Variants in IHO1 observed in about 807,000 individuals in gnomAD.
IHO1 encodes the protein interactor of HORMAD1 1, also known as interactor of HORMAD1 protein 1.
A neutral mutation model predicts 31.0 loss-of-function variants in IHO1; 13 were observed. The observed-to-expected ratio is 0.42, with a 90% confidence interval of 0.27 to 0.67. The LOEUF (loss-of-function observed/expected upper bound fraction) is 0.67. Among genes scored for constraint, IHO1 ranks in the 30% least tolerant of loss-of-function variants. The pLI is 0.24. For synonymous variants in IHO1, 221 were observed against 248.4 expected (o/e 0.89, Z 1.04); for missense variants, 599 against 687.5 (o/e 0.87, Z 1.44).
intron 6 of IHO1, among the ~76,000 whole-genome samples, chr3:49,254,179 A>G (rs922011948): frequency 6.6e-6 from 1 of 152,194 alleles, no homozygotes; most frequent in African/African-American, 2.4e-5. Flanking sequence ...TGCCTGGCAC[A>G]TAGTATATGC....
At chr3:49,199,710 T>A (rs1273124469) in intron 1 of IHO1, 137 bp downstream of exon 1, 1 of 151,742 alleles carries the variant, frequency 6.6e-6, no homozygotes, top group African/African-American at 2.4e-5. Flanking sequence ...GGTCTTGTAG[T>A]CCCTCCCCTG....
intron 2 of IHO1, among the ~76,000 whole-genome samples, chr3:49,217,792 G>A (rs534374585): frequency 3.3e-5 from 5 of 152,298 alleles, no homozygotes; most frequent in Admixed American, 1.3e-4. Context: ...CATAAGGAGC[G>A]CACAACCTAG....
chr3:49,193,216 CA>C, the IHO1 span, among the ~76,000 whole-genome samples: 1 of 151,172 alleles, frequency 6.6e-6, no homozygotes, highest in East Asian at 2.0e-4. Flanking sequence ...ACCAAATATA[CA>C]AAAAATTAAC....
chr3:49,230,041 G>T (rs1469087717), intron 2 of IHO1, among the ~76,000 whole-genome samples: 1 of 152,174 alleles, frequency 6.6e-6, no homozygotes, highest in African/African-American at 2.4e-5. Context: ...CAAGGTTTAG[G>T]ATATCATTTT....
chr3:49,193,694 T>G (rs1211857125), upstream of IHO1, among the ~76,000 whole-genome samples: 5 of 130,858 alleles, frequency 3.8e-5, no homozygotes, highest in African/African-American at 1.2e-4. Flanking sequence ...CCAGGTGCAG[T>G]GGCTCACGCC....
rs1164352989 is a variant in IHO1, at chr3:49,204,021, T to C, written c.-16+4448T>C. Among the ~76,000 whole-genome samples, 3 of 152,178 alleles carry C rather than the reference T, an allele frequency of 2.0e-5. No homozygotes were observed. In the East Asian group the frequency reaches 5.8e-4, roughly 29 times the overall value. ...CAGCTAGGTGATTTAAATAAATTTATTTCTCACAGTTTTTGAGGCTAGAAA... is the reference window on the plus strand; with the variant it reads ...CAGCTAGGTGATTTAAATAAATTTACTTCTCACAGTTTTTGAGGCTAGAAA... On this transcript the variant is annotated intron_variant, in intron 1 of 7. Coordinates refer to ENST00000452691, the MANE Select transcript of IHO1 (RefSeq NM_001135197.2).
upstream of IHO1, among the ~76,000 whole-genome samples, chr3:49,195,446 G>A (rs1242708117): frequency 7.2e-6 from 1 of 138,050 alleles, no homozygotes. Flanking sequence ...GGCCAGTCGT[G>A]GTGGCTCACA....
chr3:49,241,115 C>T (rs1029127578), intron 3 of IHO1, 111 bp from the exon 4 acceptor site: 29 of 674,464 alleles, frequency 4.3e-5, no homozygotes, highest in Admixed American at 1.9e-4. Flanking sequence ...TGCTATGTTA[C>T]GTTACAGCAA....
intron 2 of IHO1, among the ~76,000 whole-genome samples, chr3:49,217,716 C>T (rs1463952003): frequency 1.3e-5 from 2 of 152,114 alleles, no homozygotes; most frequent in Non-Finnish European, 2.9e-5. Flanking sequence ...GTTTGCTTTC[C>T]TGCAACTAGA....
At chr3:49,226,133 G>T (rs1038369781) in intron 2 of IHO1, among the ~76,000 whole-genome samples, 2 of 152,136 alleles carry the variant, frequency 1.3e-5, no homozygotes, top group African/African-American at 4.8e-5. Flanking sequence ...TCCATTTTCT[G>T]TCCTCTCTGA....
At chr3:49,234,488 C>T (rs1258298305) in intron 2 of IHO1, among the ~76,000 whole-genome samples, 1 of 151,802 alleles carries the variant, frequency 6.6e-6, no homozygotes, top group East Asian at 1.9e-4. Flanking sequence ...GCTCTGGTGT[C>T]CCTTTTTATA....
At chr3:49,248,405 C>A (rs1316781940) in intron 6 of IHO1, among the ~76,000 whole-genome samples, 1 of 138,880 alleles carries the variant, frequency 7.2e-6, no homozygotes, top group Non-Finnish European at 1.6e-5. Context: ...GGCGATAGAA[C>A]CAGACTCTCT....
intron 2 of IHO1, among the ~76,000 whole-genome samples, chr3:49,218,233 C>G (rs1322857877): frequency 6.6e-6 from 1 of 152,002 alleles, no homozygotes. Flanking sequence ...GTTCCCACCT[C>G]TCCGTCTGCA....
At chr3:49,252,958 C>T (rs1415034446) in intron 6 of IHO1, among the ~76,000 whole-genome samples, 1 of 151,800 alleles carries the variant, frequency 6.6e-6, no homozygotes, top group Non-Finnish European at 1.5e-5. Flanking sequence ...AGGAGAATTG[C>T]TTGAACCCAG....
intron 6 of IHO1, among the ~76,000 whole-genome samples, chr3:49,246,636 A>G (rs2046698507): frequency 6.6e-6 from 1 of 152,038 alleles, no homozygotes; most frequent in African/African-American, 2.4e-5. Flanking sequence ...CAACAGAGTG[A>G]AACTCCCTGT....
chr3:49,212,590 C>T (rs2046235892), intron 2 of IHO1, among the ~76,000 whole-genome samples: 1 of 151,480 alleles, frequency 6.6e-6, no homozygotes, highest in Non-Finnish European at 1.5e-5. Flanking sequence ...TTGGTGGGTT[C>T]TTGGTTTCAC....
At chr3:49,197,101 C>T (rs2046002953), upstream of IHO1, among the ~76,000 whole-genome samples, 1 of 150,980 alleles carries the variant, frequency 6.6e-6, no homozygotes, top group Admixed American at 6.6e-5. Flanking sequence ...CTGCCTCAGC[C>T]TCCCGAGTAG....
intron 1 of IHO1, among the ~76,000 whole-genome samples, chr3:49,206,019 A>G (rs1241851310): frequency 6.6e-6 from 1 of 151,050 alleles, no homozygotes; most frequent in Non-Finnish European, 1.5e-5. Flanking sequence ...GCTGGAGTGC[A>G]GTGGCGCGAT....
chr3:49,209,137 C>T (rs1251983246), intron 1 of IHO1, among the ~76,000 whole-genome samples: 1 of 152,224 alleles, frequency 6.6e-6, no homozygotes. Flanking sequence ...ACTTCATCTT[C>T]TACCACACAT....
Sources: allele counts gnomAD v4.1 joint callset (sites outside exome capture counted in the v4.1 genomes callset), GRCh38; gene constraint gnomAD v4.1.1; transcripts MANE v1.5; gene names NCBI Gene and HGNC (gene_info 2026-07-23, HGNC 2026-07-21).